The following KCNK13 variants were observed in gnomAD, a reference collection of about 807,000 sequenced individuals.
KCNK13 encodes the protein potassium channel subfamily K member 13.
Under a neutral mutation model 23.4 loss-of-function variants are expected in KCNK13, and 12 were observed. That is an observed-to-expected ratio of 0.51 (90% CI 0.33 to 0.83). The LOEUF is 0.83. Ranked by LOEUF, KCNK13 falls within the 40% of genes least tolerant of loss-of-function variation. The pLI, the probability that KCNK13 is intolerant of heterozygous loss-of-function variation, is 0.02. For missense variants in KCNK13, 463 were observed against 556.3 expected (o/e 0.83, Z 1.69); for synonymous variants, 231 against 229.5 (o/e 1.01, Z -0.06).
chr14:90,122,045 A>G (rs1034659001), intron 1 of KCNK13, among the ~76,000 whole-genome samples: 3 of 151,986 alleles, frequency 2.0e-5, no homozygotes, highest in Non-Finnish European at 4.4e-5. Flanking sequence ...TGTATATTTT[A>G]TATCTTTTTC....
chr14:90,077,776 ATC>A (rs1232446023), intron 1 of KCNK13, among the ~76,000 whole-genome samples: 2 of 151,086 alleles, frequency 1.3e-5, no homozygotes, highest in Non-Finnish European at 3.0e-5. Context: ...TCTTATTGTG[ATC>A]TCTCTCTTCT....
intron 1 of KCNK13, among the ~76,000 whole-genome samples, chr14:90,109,220 G>C (rs1889584316): frequency 6.6e-6 from 1 of 151,412 alleles, no homozygotes; most frequent in African/African-American, 2.4e-5. Context: ...CCTCCTTCTA[G>C]ACTTGTAAGA....
At chr14:90,106,259 G>T (rs912460366) in intron 1 of KCNK13, among the ~76,000 whole-genome samples, 1 of 152,096 alleles carries the variant, frequency 6.6e-6, no homozygotes, top group African/African-American at 2.4e-5. Context: ...GAAATGTTTT[G>T]CACATCACAT....
intron 1 of KCNK13, among the ~76,000 whole-genome samples, chr14:90,090,087 C>T (rs772836048): frequency 5.3e-4 from 80 of 152,210 alleles, no homozygotes; most frequent in Non-Finnish European, 9.0e-4. Context: ...CACCACATAG[C>T]AGAGCTGTAA....
chr14:90,156,113 G>A (rs2140436041), intron 1 of KCNK13, among the ~76,000 whole-genome samples: 1 of 151,882 alleles, frequency 6.6e-6, no homozygotes, highest in Middle Eastern at 3.4e-3. Context: ...CTTGAGGTGG[G>A]AGGATCACTT....
intron 1 of KCNK13, among the ~76,000 whole-genome samples, chr14:90,120,945 A>G (rs574240062): frequency 9.9e-5 from 15 of 151,810 alleles, no homozygotes; most frequent in South Asian, 6.2e-4. Flanking sequence ...CAAGGGGGGT[A>G]CAGAATTGGA....
At chr14:90,091,011 C>T (rs1046631360) in intron 1 of KCNK13, among the ~76,000 whole-genome samples, 3 of 152,184 alleles carry the variant, frequency 2.0e-5, no homozygotes, top group Non-Finnish European at 4.4e-5. Flanking sequence ...TCTGGTCCCA[C>T]CTGCCTAGGC....
chr14:90,081,279 A>G (rs1889206007), intron 1 of KCNK13, among the ~76,000 whole-genome samples: 2 of 152,232 alleles, frequency 1.3e-5, no homozygotes. Flanking sequence ...TTTTCTTTTT[A>G]AAAATACTTT....
In KCNK13 at chr14:90,162,701, A is replaced by G. The variant is rs1035091819; in HGVS notation, c.335-21410A>G. Among the ~76,000 whole-genome samples, 4 of 152,348 alleles carry G rather than the reference A, an allele frequency of 2.6e-5. No individual in the cohort carries two copies. In the East Asian group the frequency reaches 5.8e-4, roughly 22 times the overall value. ...CACAGCCATAAGTGAATACTGGAAT[A>G]TTCCTAGGGTAAGGAAGGAAAGACT... On this transcript the variant is annotated intron_variant, in intron 1 of 1. Transcript: ENST00000282146.
intron 1 of KCNK13, among the ~76,000 whole-genome samples, chr14:90,149,014 G>T (rs6575105): frequency 1.3e-5 from 2 of 152,118 alleles, no homozygotes; most frequent in African/African-American, 4.8e-5. Flanking sequence ...GTATTAGTCC[G>T]TTTTCATACT....
rs1890523050 is a variant in KCNK13 at position 90,184,402 on chromosome 14, C to G, written c.626C>G (p.Ser209Cys). 6.2e-7 allele frequency: 1 copy of G among 1,614,272 alleles called. No individual in the cohort carries two copies. The highest frequency in any genetic ancestry group is 8.5e-7 in the Non-Finnish European group (1 of 1,180,058). Residue 209 changes from serine to cysteine, a missense_variant, in exon 2 of 2, where the codon TCT becomes TGT. Around this residue, in one of 3 missense-constraint regions of KCNK13, gnomAD observed 144 missense variants for 224.0 expected, o/e 0.64. Transcript: ENST00000282146. This position sits in a 1 kb window ranked among gnomAD's most constrained non-coding sequence, Gnocchi z 5.6. ...CTATGCACAGCCTCCATCCTCATCTCTTGCTGCGCCTCAGCCATGTACACC... is the reference window on the plus strand; with the variant it reads ...CTATGCACAGCCTCCATCCTCATCTGTTGCTGCGCCTCAGCCATGTACACC... ...LILCTASILI[S>C]CCASAMYTPI...
chr14:90,108,904 C>G (rs959601138), intron 1 of KCNK13, among the ~76,000 whole-genome samples: 3 of 152,192 alleles, frequency 2.0e-5, no homozygotes, highest in Non-Finnish European at 4.4e-5. Flanking sequence ...GGGCCAGGCG[C>G]AGTGGCTGAC....
chr14:90,174,501 G>A (rs146925833), intron 1 of KCNK13, among the ~76,000 whole-genome samples: 18 of 152,074 alleles, frequency 1.2e-4, no homozygotes, highest in African/African-American at 3.6e-4. Context: ...ACCATATCAC[G>A]TAGATTCAAA....
At chr14:90,079,904 G>A (rs1037701055) in intron 1 of KCNK13, among the ~76,000 whole-genome samples, 2 of 152,194 alleles carry the variant, frequency 1.3e-5, no homozygotes, top group African/African-American at 4.8e-5. Flanking sequence ...TGTGAGCAGG[G>A]AGTGGGTGTG....
chr14:90,144,477 A>T (rs531546352), intron 1 of KCNK13, among the ~76,000 whole-genome samples: 80 of 145,928 alleles, frequency 5.5e-4, no homozygotes, highest in African/African-American at 1.9e-3. Flanking sequence ...ACTGAGAATG[A>T]AGGCTGTTTT....
At position 90,175,780 on chromosome 14, in the gene KCNK13, A is replaced by G. The variant is rs1596811596; in HGVS notation, c.335-8331A>G. ...GCTCAGCTGGCAGTTCTTTGGCTCA[A>G]CTCAGTGTCAACTGCTGACTCTTGT... On this transcript the variant is annotated intron_variant, in intron 1 of 1. Transcript: ENST00000282146. 2.6e-5 allele frequency among the ~76,000 whole-genome samples: 4 copies of G among 152,278 alleles called. No individual in the cohort carries two copies. In the East Asian group the frequency reaches 7.7e-4, roughly 29 times the overall value.
intron 1 of KCNK13, among the ~76,000 whole-genome samples, chr14:90,123,361 T>A (rs1035905351): frequency 6.6e-5 from 10 of 152,298 alleles, no homozygotes; most frequent in African/African-American, 1.9e-4. Flanking sequence ...TGCCTGTGTC[T>A]CCATGTGGTC....
intron 1 of KCNK13, among the ~76,000 whole-genome samples, chr14:90,182,474 G>A (rs984135297): frequency 6.3e-4 from 96 of 152,296 alleles, no homozygotes; most frequent in African/African-American, 2.3e-3. Context: ...GATCATGAGA[G>A]AGCTCTTGTG....
chr14:90,112,957 A>G (rs1157041069), intron 1 of KCNK13, among the ~76,000 whole-genome samples: 2 of 145,894 alleles, frequency 1.4e-5, no homozygotes, highest in Non-Finnish European at 3.0e-5. Flanking sequence ...TCTGTCGCCC[A>G]GGGTGGAGGG....
Sources: allele counts gnomAD v4.1 joint callset (sites outside exome capture counted in the v4.1 genomes callset), GRCh38; gene constraint gnomAD v4.1.1; regional missense constraint gnomAD v4.1.1; non-coding constraint Gnocchi (gnomAD v3.1); transcripts MANE v1.5; gene names NCBI Gene and HGNC (gene_info 2026-07-23, HGNC 2026-07-21).